Variants in ANO2 observed in about 807,000 individuals in gnomAD.
The protein encoded by ANO2 is anoctamin 2, also known as anoctamin-2.
In ANO2, 101 loss-of-function variants were observed where a neutral mutation model predicts 124.2. That is an observed-to-expected ratio of 0.81 (90% CI 0.69 to 0.96). The LOEUF is 0.96. Among genes scored for constraint, ANO2 ranks in the 40% least tolerant of loss-of-function variants. The probability of loss-of-function intolerance (pLI) is 0.00; values close to 1 mark genes in which losing one functional copy is unlikely to be tolerated. For synonymous variants in ANO2, 486 were observed against 482.5 expected, an observed-to-expected ratio of 1.01 and a Z score of -0.09; for missense variants, 1,293 against 1,274.5, an observed-to-expected ratio of 1.01 and a Z score of -0.22.
intron 15 of ANO2, among the ~76,000 whole-genome samples, chr12:5,638,014 A>AT (rs1462338628): frequency 1.3e-5 from 2 of 152,148 alleles, no homozygotes; most frequent in African/African-American, 4.8e-5. Context: ...CATGGTAGAA[A>AT]TTTTAAAATC....
chr12:5,803,691 TC>T (rs901653526), intron 9 of ANO2, among the ~76,000 whole-genome samples: 1 of 152,136 alleles, frequency 6.6e-6, no homozygotes, highest in African/African-American at 2.4e-5. Flanking sequence ...TGCTCCCTCT[TC>T]CGGTTGTCCT....
intron 20 of ANO2, chr12:5,584,129 A>G: frequency 6.7e-6 from 1 of 148,692 alleles, no homozygotes; most frequent in South Asian, 1.2e-4. Context: ...AATTTAATGA[A>G]CACCCCCCCC....
chr12:5,841,870 T>A (rs550238593), intron 4 of ANO2, among the ~76,000 whole-genome samples: 1 of 152,110 alleles, frequency 6.6e-6, no homozygotes, highest in Non-Finnish European at 1.5e-5. Context: ...TATTTTACTT[T>A]TTATTTTTTA....
intron 11 of ANO2, among the ~76,000 whole-genome samples, chr12:5,748,720 C>A (rs1227453493): frequency 6.6e-6 from 1 of 152,000 alleles, no homozygotes; most frequent in Non-Finnish European, 1.5e-5. Flanking sequence ...AGTATTAGCT[C>A]TTCCCTCATG....
At position 5,635,012 on chromosome 12, in the gene ANO2, A is replaced by G. The variant is rs1945930128; in HGVS notation, c.1816+140T>C. 2.8e-6 allele frequency: 2 copies of G among 713,950 alleles called. No individual in the cohort carries two copies. Among genetic ancestry groups the G allele is most frequent in the Non-Finnish European group, 4.3e-6 (2 of 468,736 alleles). The allele number at this position is 713,950 out of a possible 1,614,324, so 44.2% of individuals were successfully genotyped here. A position where few individuals can be genotyped will look rare whatever the true frequency, so the allele number is the denominator to read the frequency against. Reference sequence around the variant, plus strand: ...AGCCCTACAAATACACACACGTTGCACTTCCCCATTTCTCTAATTAAAATG... The same window carrying G: ...AGCCCTACAAATACACACACGTTGCGCTTCCCCATTTCTCTAATTAAAATG... On this transcript the variant is annotated intron_variant, in intron 16 of 24. Coordinates refer to ENST00000682330, the MANE Select transcript of ANO2 (RefSeq NM_001364791.2). The surrounding 1 kb of genome is among the most constrained non-coding windows in gnomAD (Gnocchi z 5.2).
chr12:5,647,807 GA>G lies in ANO2; in HGVS notation c.1546-7del, dbSNP rs1248997492. Reference sequence around the variant, plus strand: ...GTCAGTTTATCTTCATCATCCTGGGGAGAAACGGGAGAGTAGAGACAATCAG... The same window carrying G: ...GTCAGTTTATCTTCATCATCCTGGGGGAAACGGGAGAGTAGAGACAATCAG... On this transcript the variant is annotated splice_polypyrimidine_tract_variant and splice_region_variant and intron_variant, in intron 14 of 24. Coordinates refer to ENST00000682330, the MANE Select transcript of ANO2 (RefSeq NM_001364791.2). The G allele has an allele frequency of 3.7e-5, 60 of 1,604,000 alleles. No homozygotes were observed. The highest frequency in any genetic ancestry group is 5.1e-5 in the Non-Finnish European group (60 of 1,174,508).
chr12:5,767,826 C>T (rs1379313188), intron 10 of ANO2, among the ~76,000 whole-genome samples: 2 of 152,162 alleles, frequency 1.3e-5, no homozygotes, highest in African/African-American at 4.8e-5. Context: ...CTCTGGCCCA[C>T]AGGCTGTGGC....
In ANO2 at chr12:5,615,251, T is replaced by C. The variant is rs768537967; in HGVS notation, c.1863A>G (p.Lys621=). 1 of 1,613,654 alleles carries C rather than the reference T, an allele frequency of 6.2e-7. No individual in the cohort carries two copies. Among genetic ancestry groups the C allele is most frequent in the Non-Finnish European group, 8.5e-7 (1 of 1,179,806 alleles). The change falls in exon 17 of 25, where the codon AAA becomes AAG. Residue 621 remains lysine, a synonymous_variant. Coordinates refer to ENST00000682330, the MANE Select transcript of ANO2 (RefSeq NM_001364791.2). Reference sequence around the variant, plus strand: ...CATTGACAAACTTGAGCAAGAAAGCTTTGAGGATCAGGCGCTCTTCAAAAG... The same window carrying C: ...CATTGACAAACTTGAGCAAGAAAGCCTTGAGGATCAGGCGCTCTTCAAAAG... The part of the protein sequence containing the change: ...EQTFEERLIL[K]AFLLKFVNAY...
chr12:5,773,805 T>G (rs1450605905), intron 10 of ANO2, among the ~76,000 whole-genome samples: 1 of 152,130 alleles, frequency 6.6e-6, no homozygotes, highest in East Asian at 1.9e-4. Flanking sequence ...TTCTAACCCC[T>G]CACACTCCCT....
At chr12:5,919,967 G>A (rs1941602022) in intron 3 of ANO2, among the ~76,000 whole-genome samples, 1 of 151,934 alleles carries the variant, frequency 6.6e-6, no homozygotes. Flanking sequence ...AAAGTGCTGG[G>A]ATTACAGGCG....
At chr12:5,782,364 G>C (rs1952425056) in intron 10 of ANO2, among the ~76,000 whole-genome samples, 2 of 151,930 alleles carry the variant, frequency 1.3e-5, no homozygotes, top group African/African-American at 4.8e-5. Context: ...ATATAATTGG[G>C]TATTGCATTT....
chr12:5,593,161 A>C (rs1177613551), intron 20 of ANO2, among the ~76,000 whole-genome samples: 2 of 152,224 alleles, frequency 1.3e-5, no homozygotes, highest in Non-Finnish European at 2.9e-5. Context: ...GACCAAGAAA[A>C]ATAAGATCTG....
intron 16 of ANO2, among the ~76,000 whole-genome samples, chr12:5,626,408 G>A (rs976832945): frequency 6.6e-6 from 1 of 152,122 alleles, no homozygotes; most frequent in Non-Finnish European, 1.5e-5. Context: ...GGAGAAGACT[G>A]TCCTCCCTGG....
At chr12:5,840,551 G>T (rs534487287) in intron 4 of ANO2, among the ~76,000 whole-genome samples, 62 of 152,274 alleles carry the variant, frequency 4.1e-4, no homozygotes, top group Non-Finnish European at 7.4e-4. Context: ...TGCCCAAGGT[G>T]CACAAACATT....
intron 7 of ANO2, among the ~76,000 whole-genome samples, chr12:5,817,112 C>T (rs949195976): frequency 2.0e-5 from 3 of 152,180 alleles, no homozygotes; most frequent in Non-Finnish European, 4.4e-5. Flanking sequence ...AAGCAGAGGG[C>T]GTCTAGTCTC....
intron 4 of ANO2, among the ~76,000 whole-genome samples, chr12:5,844,113 A>G (rs1244086619): frequency 6.6e-6 from 1 of 152,234 alleles, no homozygotes; most frequent in Non-Finnish European, 1.5e-5. Context: ...TGAGTAGTAT[A>G]TGTTTATTCA....
intron 3 of ANO2, among the ~76,000 whole-genome samples, chr12:5,894,772 G>T (rs1049416070): frequency 6.6e-6 from 1 of 152,116 alleles, no homozygotes; most frequent in South Asian, 2.1e-4. Flanking sequence ...GCTTGTTTTT[G>T]TCAGGTTTGT....
chr12:5,793,047 T>C (rs1273259130), intron 10 of ANO2, among the ~76,000 whole-genome samples: 1 of 152,048 alleles, frequency 6.6e-6, no homozygotes, highest in Non-Finnish European at 1.5e-5. Context: ...CCTAGGAGTA[T>C]TTGGGGTGTG....
intron 10 of ANO2, among the ~76,000 whole-genome samples, chr12:5,783,430 T>C (rs1026303357): frequency 6.6e-6 from 1 of 152,174 alleles, no homozygotes; most frequent in African/African-American, 2.4e-5. Context: ...AGTCCCACCT[T>C]TGTTCTTCAT....
Sources: gnomAD v4.1 joint callset for allele counts (sites outside exome capture counted in the v4.1 genomes callset) on GRCh38, gnomAD v4.1.1 for gene constraint, Gnocchi (gnomAD v3.1) non-coding constraint, MANE v1.5 for transcripts, NCBI Gene and HGNC (gene_info 2026-07-23, HGNC 2026-07-21) for gene names.